AGL: variants seen among roughly 807,000 people sequenced by gnomAD.
AGL encodes the protein glycogen debranching enzyme.
AGL carries 128 observed loss-of-function variants against 199.3 expected under a neutral mutation model. The ratio of observed to expected loss-of-function variants is 0.64; its 90% CI spans 0.56 to 0.74. The LOEUF (loss-of-function observed/expected upper bound fraction) is 0.74. Ranked by LOEUF, AGL falls within the 30% of genes least tolerant of loss-of-function variation. AGL has a pLI of 0.00. For synonymous variants in AGL, 584 were observed against 594.7 expected (o/e 0.98, Z 0.26); for missense variants, 1,809 against 1,820.8 (o/e 0.99, Z 0.12).
intron 25 of AGL, among the ~76,000 whole-genome samples, chr1:99,900,179 C>T (rs1334024265): frequency 9.2e-5 from 14 of 152,172 alleles, no homozygotes; most frequent in Admixed American, 8.5e-4. Flanking sequence ...TTCCGCCCGC[C>T]TCGGCCTCCC....
At position 99,877,784 on chromosome 1, in the gene AGL, G is replaced by A. The variant is rs543684686; in HGVS notation, c.1567G>A (p.Val523Ile). 2.5e-6 allele frequency: 4 copies of A among 1,614,068 alleles called. No homozygotes were observed. In the South Asian group the frequency reaches 3.3e-5, roughly 13 times the overall value. Residue 523 changes from valine to isoleucine, a missense_variant, in exon 12 of 34, where the codon GTA (valine) becomes ATA (isoleucine). Transcript: ENST00000361915. ...AATAACTGCAACTTATTTCCAGGGA[G>A]TACGTCTTGATAACTGCCACTCAAC... ...TEITATYFQG[V>I]RLDNCHSTPL...
chr1:99,917,146 G>T (rs1171887861), intron 33 of AGL, among the ~76,000 whole-genome samples: 2 of 152,088 alleles, frequency 1.3e-5, no homozygotes, highest in Non-Finnish European at 2.9e-5. Context: ...TCTTTTGCCT[G>T]TTAGTTCAAA....
chr1:99,891,566 AC>A, intron 22 of AGL, 39 bp from the exon 23 acceptor site: 1 of 1,610,028 alleles, frequency 6.2e-7, no homozygotes, highest in South Asian at 1.1e-5. Flanking sequence ...CCTAGTCTGT[AC>A]ACATACCAAA....
At position 99,902,776 on chromosome 1, in the gene AGL, C is replaced by A. The variant is rs113994131; in HGVS notation, c.3682C>A (p.Arg1228=). The A allele has an allele frequency of 1.9e-6, 3 of 1,612,628 alleles. No individual in the cohort carries two copies. The highest frequency in any genetic ancestry group is 2.2e-5 in the South Asian group (2 of 91,014). The change falls in exon 27 of 34, where the codon CGA becomes AGA. Residue 1228 remains arginine (R), a synonymous_variant. Coordinates refer to ENST00000361915, the MANE Select transcript of AGL (RefSeq NM_000642.3). The part of the protein sequence containing the change: ...RERNAGPQID[R]NMKDEGFNIT... ...AAGGAATGCTGGTCCCCAGATAGAT[C>A]GAAACATGAAGGACGAAGGTACAGA...
At chr1:99,868,853 C>A (rs1023866424) in intron 5 of AGL, among the ~76,000 whole-genome samples, 3 of 142,132 alleles carry the variant, frequency 2.1e-5, no homozygotes, top group Non-Finnish European at 3.0e-5. Flanking sequence ...GAGACAGGGT[C>A]TCATTCTGTC....
chr1:99,917,776 C>G (rs575965486), intron 33 of AGL, among the ~76,000 whole-genome samples: 94 of 152,168 alleles, frequency 6.2e-4, no homozygotes, highest in African/African-American at 2.0e-3. Context: ...TATACCACTT[C>G]AAGTAAGGTA....
intron 10 of AGL, 111 bp downstream of exon 10, chr1:99,875,566 T>G: frequency 1.1e-6 from 1 of 923,760 alleles, no homozygotes; most frequent in Non-Finnish European, 1.7e-6. Context: ...GTACATTTCT[T>G]AAATTGAAAT....
At chr1:99,870,894 C>A in intron 7 of AGL, 25 bp downstream of exon 7, 1 of 1,364,592 alleles carries the variant, frequency 7.3e-7, no homozygotes, top group South Asian at 1.2e-5. Flanking sequence ...CTAGAATGTT[C>A]CTATCGATTT....
Position 99,900,880 on chromosome 1 carries a change from A to ATT in AGL, c.3588+20_3588+21insTT, listed in dbSNP as rs762195957. 1.3e-6 allele frequency: 2 copies of ATT among 1,518,570 alleles called. No individual in the cohort carries two copies. The highest frequency in any genetic ancestry group is 1.8e-5 in the Admixed American group (1 of 54,920). 94.1% of individuals were successfully genotyped at this position (1,518,570 alleles called of 1,614,324 possible). ...CACACTGGTAAAGATATTTCTTAAA[A>ATT]TGTTTTTTTGTTTTTTTTTTTTTTT... On this transcript the variant is annotated intron_variant, in intron 26 of 33. Transcript: ENST00000361915.
chr1:99,854,763 C>CAAAAAAAAA (rs11368135), intron 2 of AGL, among the ~76,000 whole-genome samples: 1,236 of 83,904 alleles, frequency 0.015, 12 homozygotes, highest in Middle Eastern at 0.058. Flanking sequence ...GATGCCGTCT[C>CAAAAAAAAA]AAAAAAAAAA....
chr1:99,880,089 T>A, intron 13 of AGL, 43 bp downstream of exon 13: 2 of 1,611,820 alleles, frequency 1.2e-6, no homozygotes, highest in Non-Finnish European at 1.7e-6. Flanking sequence ...CTTTAGCTTT[T>A]GTTTAAGTAG....
Position 99,913,673 on chromosome 1 carries a change from T to TA in AGL, c.4097dup (p.Tyr1366Ter). ...VHKRGIYKDS[Y>*]GASSPWCDYQ... Reference sequence around the variant, plus strand: ...CAAACGTGGCATATACAAAGATAGTTATGGAGCTTCAAGTCCTTGGTGTGA... The same window carrying TA: ...CAAACGTGGCATATACAAAGATAGTTAATGGAGCTTCAAGTCCTTGGTGTGA... Residue 1366 changes from tyrosine (Y) to a stop codon, truncating the protein, a stop_gained and frameshift_variant, in exon 30 of 34, where the codon TAT (tyrosine) becomes TAAT (stop). Transcript: ENST00000361915. LOFTEE classifies it high-confidence loss of function. 1 of 1,614,132 alleles carries TA rather than the reference T, an allele frequency of 6.2e-7. No individual in the cohort carries two copies. Among genetic ancestry groups the TA allele is most frequent in the Non-Finnish European group, 8.5e-7 (1 of 1,180,004 alleles).
chr1:99,869,845 A>G (rs1650835827), intron 5 of AGL, among the ~76,000 whole-genome samples: 2 of 152,174 alleles, frequency 1.3e-5, no homozygotes, highest in South Asian at 4.1e-4. Flanking sequence ...AAATAGGTAG[A>G]TATAAGGTTT....
chr1:99,888,874 C>A (rs1441411239), intron 21 of AGL, among the ~76,000 whole-genome samples: 1 of 152,118 alleles, frequency 6.6e-6, no homozygotes, highest in Non-Finnish European at 1.5e-5. Context: ...TTAACTATTG[C>A]TTTTTACAGT....
At chr1:99,861,139 GTC>G (rs924996708) in intron 2 of AGL, 1 of 1,092,246 alleles carries the variant, frequency 9.2e-7, no homozygotes. Context: ...ACTAGAGAAG[GTC>G]TCTCCTCAGA....
At chr1:99,887,875 C>G in intron 20 of AGL, 103 bp from the exon 21 acceptor site, 1 of 1,328,522 alleles carries the variant, frequency 7.5e-7, no homozygotes, top group Non-Finnish European at 1.1e-6. Context: ...AAAACATACA[C>G]TGCTAAGACA....
intron 2 of AGL, among the ~76,000 whole-genome samples, chr1:99,852,354 T>C (rs1311775926): frequency 3.6e-5 from 4 of 111,480 alleles, no homozygotes; most frequent in African/African-American, 1.2e-4. Flanking sequence ...TTCATTTCTT[T>C]TTTTTTTTTT....
chr1:99,913,782 A>G, intron 30 of AGL, 44 bp downstream of exon 30: 1 of 1,578,248 alleles, frequency 6.3e-7, no homozygotes. Context: ...ATGATGTGCT[A>G]GAGTTTGCTT....
intron 21 of AGL, among the ~76,000 whole-genome samples, chr1:99,890,677 TACTTC>T (rs1652822735): frequency 6.6e-6 from 1 of 152,038 alleles, no homozygotes; most frequent in Admixed American, 6.6e-5. Flanking sequence ...CTCATTTTGA[TACTTC>T]ACTTAGTTCT....
Sources: gnomAD v4.1 joint callset for allele counts (sites outside exome capture counted in the v4.1 genomes callset) on GRCh38, gnomAD v4.1.1 for gene constraint, MANE v1.5 for transcripts, NCBI Gene and HGNC (gene_info 2026-07-23, HGNC 2026-07-21) for gene names.